The following SLC25A28 variants were observed in gnomAD, a reference collection of about 807,000 sequenced individuals.
SLC25A28 encodes solute carrier family 25 member 28, also known as mitoferrin-2.
Under a neutral mutation model 31.9 loss-of-function variants are expected in SLC25A28, and 10 were observed. The observed-to-expected ratio is 0.31, with a 90% CI of 0.19 to 0.53. The LOEUF is 0.53. SLC25A28 is among the 20% of genes least tolerant of loss of function. The probability of loss-of-function intolerance (pLI) is 0.95; values close to 1 mark genes in which losing one functional copy is unlikely to be tolerated. For synonymous variants in SLC25A28, 208 were observed against 203.6 expected (o/e 1.02, Z -0.19); for missense variants, 256 against 490.3 (o/e 0.52, Z 4.51).
chr10:99,638,596 A>T, the SLC25A28 span, among the ~76,000 whole-genome samples: 126 of 152,198 alleles, frequency 8.3e-4, 3 homozygotes, highest in Non-Finnish European at 1.6e-3. Flanking sequence ...TCACTAAGAA[A>T]AAAACAATCT....
intron 1 of SLC25A28, chr10:99,615,942 G>A: frequency 3.0e-6 from 3 of 985,418 alleles, no homozygotes; most frequent in African/African-American, 3.5e-5. Flanking sequence ...AAACCGGACT[G>A]TGGGAAGCTA....
At chr10:99,644,015 TGTG>T in the SLC25A28 span, among the ~76,000 whole-genome samples, 87 of 152,340 alleles carry the variant, frequency 5.7e-4, 1 homozygote, top group African/African-American at 2.0e-3. Context: ...ATAAGTGCGA[TGTG>T]GTGCTGAGAA....
At chr10:99,612,885 C>A (rs773537787) in intron 2 of SLC25A28, among the ~76,000 whole-genome samples, 39 of 152,170 alleles carry the variant, frequency 2.6e-4, no homozygotes, top group Non-Finnish European at 4.9e-4. Context: ...GCAGCTCACA[C>A]CCCAGACAGG....
Position 99,610,628 on chromosome 10 carries a change from G to A in SLC25A28, c.*221C>T, listed in dbSNP as rs766853706. Reference sequence around the variant, plus strand: ...CCAGGATGGAGAGAGGTTATCAAAGGTGCTGTGGTGTGCTTTGCTGCACGT... The same window carrying A: ...CCAGGATGGAGAGAGGTTATCAAAGATGCTGTGGTGTGCTTTGCTGCACGT... On this transcript the variant is annotated 3_prime_UTR_variant, in exon 4 of 4. Transcript: ENST00000370495. 4.3e-5 allele frequency: 25 copies of A among 579,916 alleles called. No individual in the cohort carries two copies. Among genetic ancestry groups the A allele is most frequent in the Non-Finnish European group, 6.4e-5 (21 of 325,698 alleles). The allele number at this position is 579,916 out of a possible 1,614,324, so 35.9% of individuals were successfully genotyped here.
the SLC25A28 span, among the ~76,000 whole-genome samples, chr10:99,651,627 G>C: frequency 2.2e-5 from 3 of 136,924 alleles, no homozygotes; most frequent in African/African-American, 8.2e-5. Flanking sequence ...GTCTCACTCT[G>C]TCACCCAGGC....
intron 1 of SLC25A28, chr10:99,618,810 G>C: frequency 1.0e-6 from 1 of 985,400 alleles, no homozygotes; most frequent in Non-Finnish European, 1.2e-6. Flanking sequence ...TGAAAAACAT[G>C]AAACAGTACT....
chr10:99,649,792 G>GT, the SLC25A28 span, among the ~76,000 whole-genome samples: 2 of 152,190 alleles, frequency 1.3e-5, no homozygotes, highest in East Asian at 3.9e-4. Context: ...TATTTCTGTG[G>GT]TATCATTTTA....
chr10:99,648,941 C>A, the SLC25A28 span, among the ~76,000 whole-genome samples: 1 of 152,022 alleles, frequency 6.6e-6, no homozygotes, highest in Non-Finnish European at 1.5e-5. Flanking sequence ...AATTTGGATG[C>A]CTTTTATTTT....
the SLC25A28 span, among the ~76,000 whole-genome samples, chr10:99,634,266 G>A: frequency 6.6e-6 from 1 of 152,058 alleles, no homozygotes; most frequent in African/African-American, 2.4e-5. Flanking sequence ...AATCACACTA[G>A]CTCACCAGCA....
At chr10:99,637,601 A>G in the SLC25A28 span, among the ~76,000 whole-genome samples, 3 of 152,350 alleles carry the variant, frequency 2.0e-5, no homozygotes, top group East Asian at 5.8e-4. Context: ...TGGATACAAG[A>G]TTAATGTACA....
chr10:99,658,491 C>G, the SLC25A28 span, among the ~76,000 whole-genome samples: 2 of 152,074 alleles, frequency 1.3e-5, no homozygotes, highest in African/African-American at 4.8e-5. Flanking sequence ...ATTCAACGTG[C>G]TAAGTGAAAC....
the SLC25A28 span, among the ~76,000 whole-genome samples, chr10:99,636,223 C>G: frequency 2.0e-5 from 3 of 152,110 alleles, no homozygotes; most frequent in African/African-American, 7.2e-5. Flanking sequence ...TATGATAGGC[C>G]ATAAAACAAG....
In SLC25A28 at chr10:99,620,253, A is replaced by C; in HGVS notation, c.83T>G (p.Leu28Arg). ...GCCCCGCTGCAGCCACCCGTCCAGC[A>C]GCGCCGACTCCCCGGGGCTCCGCCC... ...GPGRSPGESA[L>R]LDGWLQRGVG... The change falls in exon 1 of 4, where the codon CTG becomes CGG. Residue 28 changes from leucine (L) to arginine (R), a missense_variant. By Grantham distance (102) the Leu-to-Arg change is moderately radical. This residue lies in a region of SLC25A28 where 47 missense variants were observed against 41.4 expected (regional missense o/e 1.14). Coordinates refer to ENST00000370495, the MANE Select transcript of SLC25A28 (RefSeq NM_031212.4). 2.4e-6 allele frequency: 3 copies of C among 1,243,766 alleles called. No homozygotes were observed. Among genetic ancestry groups the C allele is most frequent in the South Asian group, 4.7e-5 (2 of 42,766 alleles). 77.0% of individuals were successfully genotyped at this position (1,243,766 alleles called of 1,614,324 possible).
the SLC25A28 span, among the ~76,000 whole-genome samples, chr10:99,633,284 T>C: frequency 6.6e-6 from 1 of 152,222 alleles, no homozygotes; most frequent in Non-Finnish European, 1.5e-5. Context: ...TCATACCTGG[T>C]CTTCTGCCTT....
rs2034498614 is a variant in SLC25A28 at position 99,610,615 on chromosome 10, G to C, written c.*234C>G. ...CAGGTCATCAGGCCCAGGATGGAGAGAGGTTATCAAAGGTGCTGTGGTGTG... is the reference window on the plus strand; with the variant it reads ...CAGGTCATCAGGCCCAGGATGGAGACAGGTTATCAAAGGTGCTGTGGTGTG... On this transcript the variant is annotated 3_prime_UTR_variant, in exon 4 of 4. Coordinates refer to ENST00000370495, the MANE Select transcript of SLC25A28 (RefSeq NM_031212.4). 1 of 559,242 alleles carries C rather than the reference G, an allele frequency of 1.8e-6. No individual in the cohort carries two copies. The allele number at this position is 559,242 out of a possible 1,614,324, so 34.6% of individuals were successfully genotyped here.
the SLC25A28 span, among the ~76,000 whole-genome samples, chr10:99,633,792 T>A: frequency 6.6e-6 from 1 of 151,892 alleles, no homozygotes; most frequent in Admixed American, 6.5e-5. Context: ...TTCTCCATAC[T>A]ACCACAGCTG....
In SLC25A28 at chr10:99,611,491, G is replaced by T; in HGVS notation, c.578-125C>A. ...AATAGAGAGAGAAAAAAGTATGAGT[G>T]AGCTGCTGGCTAACCTGAGAAGTCA... On this transcript the variant is annotated intron_variant, in intron 3 of 3. Coordinates refer to ENST00000370495, the MANE Select transcript of SLC25A28 (RefSeq NM_031212.4). The surrounding 1 kb of genome is among the most constrained non-coding windows in gnomAD (Gnocchi z 5.5). 8.2e-7 allele frequency: 1 copy of T among 1,224,688 alleles called. No individual in the cohort carries two copies. Among genetic ancestry groups the T allele is most frequent in the Non-Finnish European group, 1.1e-6 (1 of 882,804 alleles). The allele number at this position is 1,224,688 out of a possible 1,614,324, so 75.9% of individuals were successfully genotyped here. A position where few individuals can be genotyped will look rare whatever the true frequency, so the allele number is the denominator to read the frequency against.
At chr10:99,615,468 C>T (rs564545866) in intron 1 of SLC25A28, 10 of 985,282 alleles carry the variant, frequency 1.0e-5, no homozygotes, top group African/African-American at 3.5e-5. Flanking sequence ...GAACAGGTCC[C>T]GGTTAGCTGC....
At chr10:99,654,657 T>TAATAACAAC in the SLC25A28 span, among the ~76,000 whole-genome samples, 3 of 150,660 alleles carry the variant, frequency 2.0e-5, no homozygotes, top group Non-Finnish European at 4.4e-5. Context: ...CCCATCTCAA[T>TAATAACAAC]AACAACAACA....
Sources: allele counts gnomAD v4.1 joint callset (sites outside exome capture counted in the v4.1 genomes callset), GRCh38; gene constraint gnomAD v4.1.1; regional missense constraint gnomAD v4.1.1; non-coding constraint Gnocchi (gnomAD v3.1); transcripts MANE v1.5; gene names NCBI Gene and HGNC (gene_info 2026-07-23, HGNC 2026-07-21).